NOL6: variants seen among roughly 807,000 people sequenced by gnomAD.
NOL6 encodes nucleolar protein 6.
Under a neutral mutation model 131.7 loss-of-function variants are expected in NOL6, and 33 were observed. The ratio of observed to expected loss-of-function variants is 0.25; its 90% CI spans 0.19 to 0.33. NOL6 has a LOEUF of 0.33. Among genes scored for constraint, NOL6 ranks in the 10% least tolerant of loss-of-function variants. The pLI is 1.00. For missense variants in NOL6, 1,297 were observed against 1,494.5 expected (o/e 0.87, Z 2.18); for synonymous variants, 580 against 605.7 (o/e 0.96, Z 0.62).
Position 33,466,123 on chromosome 9 carries a change from T to A in NOL6, c.2312A>T (p.Gln771Leu), listed in dbSNP as rs1193329903. The change falls in exon 18 of 26, where the codon CAA becomes CTA. Residue 771 changes from glutamine to leucine, a missense_variant. Coordinates refer to ENST00000297990, the MANE Select transcript of NOL6 (RefSeq NM_022917.5). ...FQLRLAELLTQQHGLQCRATA... is the reference protein window; with the variant it reads ...FQLRLAELLTLQHGLQCRATA... ...GGCACGGCACTGCAGACCATGCTGT[T>A]GTGTCAACAGCTCTGCCAGGCGCAG... 1 of 1,612,540 alleles carries A rather than the reference T, an allele frequency of 6.2e-7. No individual in the cohort carries two copies. Among genetic ancestry groups the A allele is most frequent in the Non-Finnish European group, 8.5e-7 (1 of 1,179,248 alleles).
chr9:33,465,966 C>T (rs1827228716), intron 18 of NOL6, 69 bp from the exon 19 acceptor site: 1 of 1,582,374 alleles, frequency 6.3e-7, no homozygotes, highest in Admixed American at 1.7e-5. Context: ...CTGTGGCCTA[C>T]AGCCCTATTA....
rs1235164097 is a variant in NOL6 at position 33,471,163 on chromosome 9, T to C, written c.378+841A>G. 2.0e-5 allele frequency among the ~76,000 whole-genome samples: 3 copies of C among 152,170 alleles called. No individual in the cohort carries two copies. In the East Asian group the frequency reaches 5.8e-4, roughly 29 times the overall value. On this transcript the variant is annotated intron_variant, in intron 3 of 25. Coordinates refer to ENST00000297990, the MANE Select transcript of NOL6 (RefSeq NM_022917.5). ...TGATAATCCCAGCTACTCGGGAGGCTGAGGCAGGAGAATAGCTTGAACCCG... is the reference window on the plus strand; with the variant it reads ...TGATAATCCCAGCTACTCGGGAGGCCGAGGCAGGAGAATAGCTTGAACCCG...
Position 33,464,149 on chromosome 9 carries a change from A to G in NOL6, c.2792T>C (p.Val931Ala). Residue 931 changes from valine to alanine, a missense_variant, in exon 22 of 26, where the codon GTG (valine) becomes GCG (alanine). Transcript: ENST00000297990. ...LNNELTVEEQ[V>A]EIRSGFLAAR... ...TGCCAGGAAGCCACTGCGGATCTCCACCTGCTCCTCCACTAGAGACAAGAA... is the reference window on the plus strand; with the variant it reads ...TGCCAGGAAGCCACTGCGGATCTCCGCCTGCTCCTCCACTAGAGACAAGAA... 6.2e-7 allele frequency: 1 copy of G among 1,609,230 alleles called. No individual in the cohort carries two copies. Among genetic ancestry groups the G allele is most frequent in the Non-Finnish European group, 8.5e-7 (1 of 1,177,662 alleles).
chr9:33,465,164 C>T lies in NOL6; in HGVS notation c.2681+43G>A, dbSNP rs146217512. The stretch of plus-strand genomic sequence containing the variant: ...TGCAGCACGAAGGATGATGGCTGGC[C>T]GCAAGGAAACTTCTCAGCTGGGGAA... On this transcript the variant is annotated intron_variant, in intron 20 of 25. Transcript: ENST00000297990. 1.4e-4 allele frequency: 220 copies of T among 1,561,644 alleles called. 2 individuals carry two copies. In the African/African-American group the frequency reaches 2.3e-3, roughly 17 times the overall value.
Position 33,462,631 on chromosome 9 carries a change from G to GCTGT in NOL6, c.*29_*32dup, listed in dbSNP as rs1470509801. 6.2e-7 allele frequency: 1 copy of GCTGT among 1,611,358 alleles called. No individual in the cohort carries two copies. The highest frequency in any genetic ancestry group is 8.5e-7 in the Non-Finnish European group (1 of 1,178,022). ...TCTTGCTCTAGAGGTCCAATGTCCT[G>GCTGT]CTGTCCGTCTACAGCTTGCTCCAGA... On this transcript the variant is annotated 3_prime_UTR_variant, in exon 26 of 26. Coordinates refer to ENST00000297990, the MANE Select transcript of NOL6 (RefSeq NM_022917.5).
At position 33,467,758 on chromosome 9, in the gene NOL6, G is replaced by T. The variant is rs369249921; in HGVS notation, c.1535C>A (p.Thr512Asn). 8.1e-6 allele frequency: 13 copies of T among 1,610,236 alleles called. No individual in the cohort carries two copies. In the African/African-American group the frequency reaches 1.6e-4, roughly 20 times the overall value. The change falls in exon 12 of 26, where the codon ACC becomes AAC. Residue 512 changes from threonine (T) to asparagine (N), a missense_variant. Physicochemically the swap from Thr to Asn is moderately conservative, Grantham distance 65. Coordinates refer to ENST00000297990, the MANE Select transcript of NOL6 (RefSeq NM_022917.5). This position sits in a 1 kb window ranked among gnomAD's most constrained non-coding sequence, Gnocchi z 4.4. ...AGCCCCCAGGCCCTGCTCCAGGAGG[G>T]TGGTCAGGGGGCCCAAAGCAGCTGA... Reference protein sequence around the residue: ...YVSAALGPLTTLLEQGLGARL... With the variant: ...YVSAALGPLTNLLEQGLGARL...
chr9:33,466,122 T>C lies in NOL6; in HGVS notation c.2313A>G (p.Gln771=). 1.9e-6 allele frequency: 3 copies of C among 1,612,554 alleles called. No homozygotes were observed. The highest frequency in any genetic ancestry group is 2.5e-6 in the Non-Finnish European group (3 of 1,179,184). The change falls in exon 18 of 26, where the codon CAA becomes CAG. Residue 771 remains glutamine (Q), a synonymous_variant. Coordinates refer to ENST00000297990, the MANE Select transcript of NOL6 (RefSeq NM_022917.5). ...TGGCACGGCACTGCAGACCATGCTGTTGTGTCAACAGCTCTGCCAGGCGCA... is the reference window on the plus strand; with the variant it reads ...TGGCACGGCACTGCAGACCATGCTGCTGTGTCAACAGCTCTGCCAGGCGCA... ...FQLRLAELLT[Q]QHGLQCRATA... is the part of the protein sequence containing the mutation.
Position 33,465,194 on chromosome 9 carries a change from T to C in NOL6, c.2681+13A>G. On this transcript the variant is annotated intron_variant, in intron 20 of 25. Transcript: ENST00000297990. ...GGAAACTTCTCAGCTGGGGAAAAAG[T>C]GGAGGGAATCACCTCGGAGGGGTGA... 1.3e-6 allele frequency: 2 copies of C among 1,582,786 alleles called. No homozygotes were observed. Among genetic ancestry groups the C allele is most frequent in the South Asian group, 1.1e-5 (1 of 87,286 alleles).
At chr9:33,469,706 AGTGCTT>A in intron 4 of NOL6, 39 bp from the exon 5 acceptor site, 1 of 1,590,286 alleles carries the variant, frequency 6.3e-7, no homozygotes, top group South Asian at 1.1e-5. Context: ...CAGGCACATA[AGTGCTT>A]GTGGAGCTGT....
Position 33,466,605 on chromosome 9 carries a change from A to T in NOL6, c.2055T>A (p.Ala685=). ...GCAGCACTGGGTGAGCTCCCTGAACAGCAGACACGGTCAGTGGGAGACCCT... is the reference window on the plus strand; with the variant it reads ...GCAGCACTGGGTGAGCTCCCTGAACTGCAGACACGGTCAGTGGGAGACCCT... ...GLEGLPLTVS[A]VQGAHPVLRY... is the part of the protein sequence containing the mutation. Residue 685 remains alanine (A), a synonymous_variant, in exon 16 of 26, where the codon GCT becomes GCA. Coordinates refer to ENST00000297990, the MANE Select transcript of NOL6 (RefSeq NM_022917.5). The T allele has an allele frequency of 6.2e-7, 1 of 1,614,124 alleles. No homozygotes were observed. The highest frequency in any genetic ancestry group is 8.5e-7 in the Non-Finnish European group (1 of 1,180,018).
intron 21 of NOL6, 88 bp from the exon 22 acceptor site, chr9:33,464,249 G>T (rs117093047): frequency 1.4e-6 from 2 of 1,448,700 alleles, no homozygotes; most frequent in Non-Finnish European, 1.8e-6. Context: ...TGCCCCCAAC[G>T]GCTGCTCATC....
At chr9:33,472,587 C>A in intron 1 of NOL6, 175 bp from the exon 2 acceptor site, 1 of 618,038 alleles carries the variant, frequency 1.6e-6, no homozygotes, top group African/African-American at 1.8e-5. Flanking sequence ...CATCACTGAG[C>A]GCTGAGCCGA....
Position 33,465,817 on chromosome 9 carries a change from C to T in NOL6, c.2445G>A (p.Met815Ile). ...AGGCAGCTGTGTCCCTCAGCGAGATCATCCCCTCTGGGCTCTGCACCTCCT... is the reference window on the plus strand; with the variant it reads ...AGGCAGCTGTGTCCCTCAGCGAGATTATCCCCTCTGGGCTCTGCACCTCCT... The part of the protein sequence containing the change: ...ILKEVQSPEG[M>I]ISLRDTAASL... Residue 815 changes from methionine to isoleucine, a missense_variant, in exon 19 of 26, where the codon ATG (methionine) becomes ATA (isoleucine). By Grantham distance (10) the Met-to-Ile change is conservative (BLOSUM62 1). Transcript: ENST00000297990. 2 of 1,614,118 alleles carry T rather than the reference C, an allele frequency of 1.2e-6. No homozygotes were observed. The highest frequency in any genetic ancestry group is 8.5e-7 in the Non-Finnish European group (1 of 1,180,006).
Position 33,465,145 on chromosome 9 carries a change from A to T in NOL6, c.2681+62T>A, listed in dbSNP as rs1039119861. The T allele has an allele frequency of 2.6e-6, 4 of 1,547,096 alleles. No individual in the cohort carries two copies. In the African/African-American group the frequency reaches 4.1e-5, roughly 16 times the overall value. ...TTCCCATGTAGACTTAGGGTGCAGC[A>T]CGAAGGATGATGGCTGGCCGCAAGG... On this transcript the variant is annotated intron_variant, in intron 20 of 25. Coordinates refer to ENST00000297990, the MANE Select transcript of NOL6 (RefSeq NM_022917.5).
rs758847867 is a variant in NOL6, at chr9:33,463,253, C to G, written c.3183G>C (p.Gln1061His). The change falls in exon 24 of 26, where the codon CAG (glutamine) becomes CAC (histidine). Residue 1061 changes from glutamine (Q) to histidine (H), a missense_variant. By Grantham distance (24) the Gln-to-His change is conservative (BLOSUM62 0). Coordinates refer to ENST00000297990, the MANE Select transcript of NOL6 (RefSeq NM_022917.5). ...TCAGCTGTTTAGGACCAACCCTGAG[C>G]TGCGTCAGATAGAGCTGAGGAGGAT... ...GYDPPQLYLT[Q>H]LREAFGDLAL... 2 of 1,613,352 alleles carry G rather than the reference C, an allele frequency of 1.2e-6. No homozygotes were observed. Among genetic ancestry groups the G allele is most frequent in the Non-Finnish European group, 1.7e-6 (2 of 1,179,422 alleles).
At position 33,462,768 on chromosome 9, in the gene NOL6, G is replaced by C. The variant is rs752386663; in HGVS notation, c.3337C>G (p.Leu1113Val). ...GRMVMSRGGELVMVPNVEAIL... is the reference protein window; with the variant it reads ...GRMVMSRGGEVVMVPNVEAIL... ...GCTTCAACATTGGGCACCATTACTAGCTCCCCACCTCGAGACATCACCATG... is the reference window on the plus strand; with the variant it reads ...GCTTCAACATTGGGCACCATTACTACCTCCCCACCTCGAGACATCACCATG... The change falls in exon 26 of 26, where the codon CTA becomes GTA. Residue 1113 changes from leucine (L) to valine (V), a missense_variant. Transcript: ENST00000297990. 3 of 1,614,120 alleles carry C rather than the reference G, an allele frequency of 1.9e-6. No individual in the cohort carries two copies. Among genetic ancestry groups the C allele is most frequent in the East Asian group, 2.2e-5 (1 of 44,878 alleles).
rs1827210802 is a variant in NOL6 at position 33,465,334 on chromosome 9, A to C, written c.2554T>G (p.Ser852Ala). 1 of 1,592,930 alleles carries C rather than the reference A, an allele frequency of 6.3e-7. No homozygotes were observed. The highest frequency in any genetic ancestry group is 1.3e-5 in the African/African-American group (1 of 74,568). ...CGCTTGGCCAGCCGTGCCACACCAG[A>C]GAAGGCTGGGTGCTGCTGCTGCAGT... ...HGLQQQHPAF[S>A]GVARLAKRWV... Residue 852 changes from serine (S) to alanine (A), a missense_variant, in exon 20 of 26, where the codon TCT (serine) becomes GCT (alanine). Coordinates refer to ENST00000297990, the MANE Select transcript of NOL6 (RefSeq NM_022917.5).
rs759664306 is a variant in NOL6 at position 33,465,944 on chromosome 9, C to T, written c.2365-47G>A. ...AGAGAAGGATGTGTCAGCCCAGAACCCCGGGAGTACTCTGTGGCCTACAGC... is the reference window on the plus strand; with the variant it reads ...AGAGAAGGATGTGTCAGCCCAGAACTCCGGGAGTACTCTGTGGCCTACAGC... On this transcript the variant is annotated intron_variant, in intron 18 of 25. Coordinates refer to ENST00000297990, the MANE Select transcript of NOL6 (RefSeq NM_022917.5). 5.6e-5 allele frequency: 90 copies of T among 1,596,148 alleles called. No individual in the cohort carries two copies. In the South Asian group the frequency reaches 9.9e-4, roughly 18 times the overall value.
At chr9:33,469,172 C>T (rs1412042432) in intron 6 of NOL6, 35 bp downstream of exon 6, 6 of 1,614,024 alleles carry the variant, frequency 3.7e-6, no homozygotes, top group African/African-American at 1.3e-5. Context: ...ACACCTCTTC[C>T]CTCCAGCTCC....
Sources: gnomAD v4.1 joint callset for allele counts (sites outside exome capture counted in the v4.1 genomes callset) on GRCh38, gnomAD v4.1.1 for gene constraint, Gnocchi (gnomAD v3.1) non-coding constraint, MANE v1.5 for transcripts, NCBI Gene and HGNC (gene_info 2026-07-23, HGNC 2026-07-21) for gene names.